LIN54: variants seen among roughly 807,000 people sequenced by gnomAD.
LIN54 encodes protein lin-54 homolog.
In LIN54, 9 loss-of-function variants were observed where a neutral mutation model predicts 78.7. The observed-to-expected ratio is 0.11, with a 90% CI of 0.07 to 0.20. LIN54 has a LOEUF of 0.20. Ranked by LOEUF, LIN54 falls within the 10% of genes least tolerant of loss-of-function variation. LIN54 has a pLI of 1.00. For synonymous variants in LIN54, 269 were observed against 318.4 expected (o/e 0.84, Z 1.65); for missense variants, 573 against 889.9 (o/e 0.64, Z 4.53).
At chr4:82,994,000 G>A (rs867626589) in intron 1 of LIN54, among the ~76,000 whole-genome samples, 3 of 151,986 alleles carry the variant, frequency 2.0e-5, no homozygotes, top group Admixed American at 6.6e-5. Context: ...TTTGCTACCT[G>A]GAGCTTTACA....
chr4:82,998,569 A>G (rs1410276868), intron 1 of LIN54, among the ~76,000 whole-genome samples: 1 of 151,566 alleles, frequency 6.6e-6, no homozygotes, highest in East Asian at 1.9e-4. Context: ...GAAGAGAGGG[A>G]GGGAAAGAAA....
At chr4:82,983,415 G>T (rs1417182067) in intron 2 of LIN54, among the ~76,000 whole-genome samples, 1 of 152,000 alleles carries the variant, frequency 6.6e-6, no homozygotes, top group Non-Finnish European at 1.5e-5. Context: ...CTTTCTTAGG[G>T]TCCTATTCAT....
intron 4 of LIN54, among the ~76,000 whole-genome samples, chr4:82,949,472 T>C (rs577528083): frequency 1.3e-3 from 191 of 152,256 alleles, no homozygotes; most frequent in Non-Finnish European, 2.1e-3. Context: ...TCTCCACTCA[T>C]TGCAACCTCT....
intron 2 of LIN54, among the ~76,000 whole-genome samples, chr4:82,979,965 A>AAAAAAAAAAAAAC (rs1726497313): frequency 7.1e-6 from 1 of 140,646 alleles, no homozygotes; most frequent in Non-Finnish European, 1.6e-5. Flanking sequence ...AAAAAAAAAA[A>AAAAAAAAAAAAAC]ATACTGGGTC....
rs1048493733 is a variant in LIN54 at position 82,982,727 on chromosome 4, G to A, written c.684+1434C>T. 4.6e-5 allele frequency among the ~76,000 whole-genome samples: 7 copies of A among 152,092 alleles called. 1 individual carries two copies. The highest frequency in any genetic ancestry group is 7.4e-5 in the Non-Finnish European group (5 of 68,012). The stretch of plus-strand genomic sequence containing the variant: ...GAGAAGTAATAATGAACAAGAAAGA[G>A]CACTAAATGTTTAATAATGGCAAAG... On this transcript the variant is annotated intron_variant, in intron 2 of 12. Coordinates refer to ENST00000340417, the MANE Select transcript of LIN54 (RefSeq NM_194282.4).
chr4:83,001,915 G>A (rs1479474722), intron 1 of LIN54, among the ~76,000 whole-genome samples: 271 of 3,744 alleles, frequency 0.072, 92 homozygotes, highest in East Asian at 0.18. Context: ...GGGAGGGAGG[G>A]AGGGAGGGAG....
At chr4:82,945,604 C>T (rs1560731184) in intron 5 of LIN54, among the ~76,000 whole-genome samples, 1 of 152,134 alleles carries the variant, frequency 6.6e-6, no homozygotes, top group African/African-American at 2.4e-5. Flanking sequence ...AGCAATTCTC[C>T]AGTCTCAGCC....
chr4:83,003,141 G>A (rs1729011308), intron 1 of LIN54, among the ~76,000 whole-genome samples: 2 of 152,224 alleles, frequency 1.3e-5, no homozygotes, highest in South Asian at 4.1e-4. Context: ...AGCCTCCTGA[G>A]TAGCTGGGAT....
intron 1 of LIN54, among the ~76,000 whole-genome samples, chr4:82,992,702 G>A (rs1041817428): frequency 2.0e-5 from 3 of 152,094 alleles, no homozygotes; most frequent in African/African-American, 7.2e-5. Flanking sequence ...CTAGAGGCAT[G>A]CACCACGATG....
intron 1 of LIN54, among the ~76,000 whole-genome samples, chr4:82,996,518 G>A (rs1023404937): frequency 6.6e-6 from 1 of 151,976 alleles, no homozygotes; most frequent in African/African-American, 2.4e-5. Flanking sequence ...AGATTCTCCT[G>A]TCTCAGCCTC....
At chr4:82,968,353 G>C (rs989211450) in intron 4 of LIN54, among the ~76,000 whole-genome samples, 4 of 151,998 alleles carry the variant, frequency 2.6e-5, no homozygotes, top group African/African-American at 9.7e-5. Flanking sequence ...CTAAAGTCAA[G>C]GATGGGAAAA....
chr4:82,955,739 G>A (rs1186822915), intron 4 of LIN54, among the ~76,000 whole-genome samples: 2 of 143,760 alleles, frequency 1.4e-5, no homozygotes, highest in South Asian at 2.3e-4. Context: ...AGGCAACACA[G>A]CAAGACCCCT....
intron 5 of LIN54, among the ~76,000 whole-genome samples, chr4:82,943,501 ACT>A (rs1370187646): frequency 1.3e-5 from 2 of 152,192 alleles, no homozygotes; most frequent in Non-Finnish European, 2.9e-5. Flanking sequence ...ATTTAGTGTA[ACT>A]CTAATAAAAA....
chr4:83,009,746 C>T (rs1729702444), intron 1 of LIN54, among the ~76,000 whole-genome samples: 1 of 152,186 alleles, frequency 6.6e-6, no homozygotes, highest in South Asian at 2.1e-4. Flanking sequence ...GCTTGCATCA[C>T]CCCATCGCAA....
At chr4:83,002,665 G>A (rs765053762) in intron 1 of LIN54, among the ~76,000 whole-genome samples, 8 of 152,110 alleles carry the variant, frequency 5.3e-5, no homozygotes, top group African/African-American at 9.7e-5. Flanking sequence ...ACAAGGATGA[G>A]GACCTTTATG....
intron 1 of LIN54, among the ~76,000 whole-genome samples, chr4:82,992,542 T>C (rs1443284034): frequency 6.6e-6 from 1 of 152,098 alleles, no homozygotes; most frequent in Non-Finnish European, 1.5e-5. Flanking sequence ...CTGGGTGTGG[T>C]AGGGCCTGCT....
At chr4:82,976,287 G>A (rs1372655850) in intron 3 of LIN54, among the ~76,000 whole-genome samples, 4 of 151,516 alleles carry the variant, frequency 2.6e-5, no homozygotes, top group African/African-American at 7.3e-5. Context: ...GTTCAGATTT[G>A]CATTTTAGAA....
chr4:82,998,087 CAT>C (rs1229395063), intron 1 of LIN54, among the ~76,000 whole-genome samples: 5 of 147,562 alleles, frequency 3.4e-5, no homozygotes, highest in African/African-American at 9.9e-5. Flanking sequence ...TACTAAATGA[CAT>C]ATCTGCTTTT....
Position 83,006,109 on chromosome 4 carries a change from C to G in LIN54, c.-33+4375G>C, listed in dbSNP as rs375227319. On this transcript the variant is annotated intron_variant, in intron 1 of 12. Coordinates refer to ENST00000340417, the MANE Select transcript of LIN54 (RefSeq NM_194282.4). ...GTACTTATGAACATAAAGATGGCAA[C>G]AATGGAAACTGGGGACTACTGGGGA... Among the ~76,000 whole-genome samples, 5 of 117,190 alleles carry G rather than the reference C, an allele frequency of 4.3e-5. No homozygotes were observed. In the East Asian group the frequency reaches 1.1e-3, roughly 25 times the overall value. 76.9% of individuals were successfully genotyped at this position (117,190 alleles called of 152,430 possible).
Sources: allele counts gnomAD v4.1 joint callset (sites outside exome capture counted in the v4.1 genomes callset), GRCh38; gene constraint gnomAD v4.1.1; transcripts MANE v1.5; gene names NCBI Gene and HGNC (gene_info 2026-07-23, HGNC 2026-07-21).